EVA1A: variants seen among roughly 807,000 people sequenced by gnomAD.
EVA1A encodes the protein protein eva-1 homolog A.
A neutral mutation model predicts 9.8 loss-of-function variants in EVA1A; 7 were observed. The ratio of observed to expected loss-of-function variants is 0.71; its 90% CI spans 0.41 to 1.34. The LOEUF is 1.34. EVA1A is among the 40% of genes most tolerant of loss of function. EVA1A has a pLI of 0.01. For missense variants in EVA1A, 206 were observed against 205.9 expected (o/e 1.00, Z 0.00); for synonymous variants, 90 against 85.6 (o/e 1.05, Z -0.28).
intron 1 of EVA1A, among the ~76,000 whole-genome samples, chr2:75,525,138 ATATG>A (rs1675381396): frequency 6.6e-6 from 1 of 152,178 alleles, no homozygotes; most frequent in South Asian, 2.1e-4. Flanking sequence ...ACGCATGTAT[ATATG>A]TATGTGTACA....
intron 1 of EVA1A, among the ~76,000 whole-genome samples, chr2:75,549,337 A>G (rs1042107661): frequency 2.0e-5 from 3 of 152,174 alleles, no homozygotes; most frequent in Non-Finnish European, 2.9e-5. Context: ...GCGGAGCCAC[A>G]CAGCATCCCA....
intron 1 of EVA1A, among the ~76,000 whole-genome samples, chr2:75,545,252 G>A (rs780274579): frequency 2.6e-5 from 4 of 152,118 alleles, no homozygotes; most frequent in Non-Finnish European, 5.9e-5. Context: ...AGTAGAAAAG[G>A]GTGAGAGTAA....
intron 3 of EVA1A, among the ~76,000 whole-genome samples, chr2:75,497,672 G>T (rs189897124): frequency 3.2e-4 from 49 of 151,702 alleles, no homozygotes; most frequent in African/African-American, 1.2e-3. Flanking sequence ...GCAACATGGT[G>T]GAAAACCCAT....
chr2:75,564,129 A>C (rs985776727), upstream of EVA1A, among the ~76,000 whole-genome samples: 1 of 152,214 alleles, frequency 6.6e-6, no homozygotes, highest in Non-Finnish European at 1.5e-5. Context: ...CTCAATGGCT[A>C]CCTTTTGAAG....
At chr2:75,500,428 G>A (rs982376522) in intron 3 of EVA1A, among the ~76,000 whole-genome samples, 36 of 152,110 alleles carry the variant, frequency 2.4e-4, no homozygotes, top group African/African-American at 6.8e-4. Flanking sequence ...CCCAACACCC[G>A]TAGCTATACA....
At chr2:75,548,692 T>C (rs2103961583) in intron 1 of EVA1A, among the ~76,000 whole-genome samples, 1 of 152,278 alleles carries the variant, frequency 6.6e-6, no homozygotes, top group Non-Finnish European at 1.5e-5. Context: ...TTGTAAAGAA[T>C]GAATATGCGC....
At chr2:75,532,530 A>G (rs2103898989) in intron 1 of EVA1A, among the ~76,000 whole-genome samples, 1 of 152,352 alleles carries the variant, frequency 6.6e-6, no homozygotes, top group Admixed American at 6.5e-5. Flanking sequence ...GGCAGATGAA[A>G]CAATGAGTGA....
chr2:75,544,730 C>T (rs1490701641), intron 1 of EVA1A, among the ~76,000 whole-genome samples: 1 of 152,208 alleles, frequency 6.6e-6, no homozygotes, highest in East Asian at 1.9e-4. Flanking sequence ...GAATCTGTTC[C>T]TTTCCATTAG....
chr2:75,561,949 A>G (rs1485173503), upstream of EVA1A, among the ~76,000 whole-genome samples: 1 of 152,186 alleles, frequency 6.6e-6, no homozygotes, highest in Admixed American at 6.5e-5. Context: ...CTCTGGCTAG[A>G]GTAGCCAGTG....
intron 2 of EVA1A, among the ~76,000 whole-genome samples, chr2:75,521,556 G>A (rs757566064): frequency 1.8e-4 from 27 of 152,204 alleles, no homozygotes; most frequent in Non-Finnish European, 3.2e-4. Context: ...TAGGCTAAGT[G>A]AAATAAGCCA....
At chr2:75,527,611 A>G (rs1675497178) in intron 1 of EVA1A, among the ~76,000 whole-genome samples, 1 of 152,242 alleles carries the variant, frequency 6.6e-6, no homozygotes, top group Admixed American at 6.5e-5. Context: ...TCTGGCAAAG[A>G]TTTTTAAACA....
chr2:75,522,679 A>T (rs1166734300), intron 1 of EVA1A, among the ~76,000 whole-genome samples, 192 bp from the exon 2 acceptor site: 1 of 152,226 alleles, frequency 6.6e-6, no homozygotes, highest in East Asian at 1.9e-4. Context: ...TGAACTAGAC[A>T]GCCAGATAAA....
intron 2 of EVA1A, chr2:75,518,930 G>C: frequency 5.3e-6 from 5 of 936,024 alleles, no homozygotes; most frequent in Non-Finnish European, 6.4e-6. Flanking sequence ...TTGAGAGCTC[G>C]AGCTGCTCCC....
Position 75,493,383 on chromosome 2 carries a change from C to T in EVA1A, c.312G>A (p.Glu104=). 1.2e-6 allele frequency: 2 copies of T among 1,614,246 alleles called. No homozygotes were observed. The highest frequency in any genetic ancestry group is 1.1e-5 in the South Asian group (1 of 91,082). The change falls in exon 4 of 4, where the codon GAG becomes GAA. Residue 104 remains glutamate, a synonymous_variant. Transcript: ENST00000393913. ...DLSVRRHRRF[E]RTLNKNVFTS... ...TGAACACATTCTTGTTCAAAGTCCTCTCGAAGCGGCGGTGTCTCCGCACGG... is the reference window on the plus strand; with the variant it reads ...TGAACACATTCTTGTTCAAAGTCCTTTCGAAGCGGCGGTGTCTCCGCACGG...
intron 1 of EVA1A, among the ~76,000 whole-genome samples, chr2:75,554,840 C>T (rs1676646557): frequency 1.3e-5 from 2 of 152,210 alleles, no homozygotes; most frequent in South Asian, 4.1e-4. Flanking sequence ...TGTCTCCAGT[C>T]CCTGATCCCT....
intron 1 of EVA1A, chr2:75,558,426 G>A (rs950473239): frequency 1.3e-5 from 2 of 152,152 alleles, no homozygotes; most frequent in Admixed American, 6.5e-5. Context: ...TGTGAGCATC[G>A]ACGGCACTAA....
chr2:75,549,449 C>T (rs1175406912), intron 1 of EVA1A, among the ~76,000 whole-genome samples: 2 of 152,110 alleles, frequency 1.3e-5, no homozygotes, highest in Admixed American at 1.3e-4. Context: ...GAAAGAGTCC[C>T]TAAGGAGAGT....
chr2:75,547,371 CT>C (rs988691175), intron 1 of EVA1A, among the ~76,000 whole-genome samples: 21 of 152,158 alleles, frequency 1.4e-4, no homozygotes, highest in African/African-American at 4.8e-4. Context: ...AGCGATACAG[CT>C]TTAGGCAAAT....
chr2:75,558,278 A>G (rs1208280559), intron 1 of EVA1A, among the ~76,000 whole-genome samples: 6 of 152,240 alleles, frequency 3.9e-5, no homozygotes, highest in African/African-American at 1.4e-4. Flanking sequence ...AAGGTACGCT[A>G]TTTCTTCTTA....
Sources: allele counts gnomAD v4.1 joint callset (sites outside exome capture counted in the v4.1 genomes callset), GRCh38; gene constraint gnomAD v4.1.1; transcripts MANE v1.5; gene names NCBI Gene and HGNC (gene_info 2026-07-23, HGNC 2026-07-21).